The following CTNNA3 variants were observed in gnomAD, a reference collection of about 807,000 sequenced individuals.
CTNNA3 encodes catenin alpha 3, also known as catenin alpha-3.
In CTNNA3, 76 loss-of-function variants were observed where a neutral mutation model predicts 95.7. The observed-to-expected ratio is 0.79, with a 90% CI of 0.66 to 0.96. The LOEUF (loss-of-function observed/expected upper bound fraction) is 0.96, where lower values mean the gene tolerates loss of function less well. Ranked by LOEUF, CTNNA3 falls within the 40% of genes least tolerant of loss-of-function variation. CTNNA3 has a pLI of 0.00. For missense variants in CTNNA3, 1,191 were observed against 1,089.8 expected (o/e 1.09, Z -1.31); for synonymous variants, 431 against 374.4 (o/e 1.15, Z -1.74).
At chr10:65,921,506 T>C (rs751596482) in intron 17 of CTNNA3, among the ~76,000 whole-genome samples, 10 of 152,268 alleles carry the variant, frequency 6.6e-5, no homozygotes, top group Non-Finnish European at 1.2e-4. Flanking sequence ...TGCTTTCTAC[T>C]CGTAGGACAC....
chr10:66,718,472 C>A (rs1450284355), intron 9 of CTNNA3, among the ~76,000 whole-genome samples: 1 of 151,988 alleles, frequency 6.6e-6, no homozygotes, highest in Non-Finnish European at 1.5e-5. Context: ...GGCAAAAGAG[C>A]TATTTTACTC....
chr10:65,961,398 G>A (rs1203888168), intron 17 of CTNNA3, among the ~76,000 whole-genome samples: 9 of 152,092 alleles, frequency 5.9e-5, no homozygotes, highest in Admixed American at 1.3e-4. Context: ...AACCCAATGT[G>A]TACTTTTAAG....
intron 5 of CTNNA3, among the ~76,000 whole-genome samples, chr10:67,311,066 T>C (rs574862957): frequency 6.6e-6 from 1 of 152,276 alleles, no homozygotes; most frequent in East Asian, 1.9e-4. Flanking sequence ...TTTACAAAAT[T>C]ATAATTTATG....
chr10:67,435,453 A>G (rs537211317), intron 5 of CTNNA3, among the ~76,000 whole-genome samples: 16 of 152,194 alleles, frequency 1.1e-4, no homozygotes, highest in African/African-American at 3.4e-4. Flanking sequence ...TCTTCAACAT[A>G]GTACTGGAAG....
chr10:66,978,716 A>G (rs922910440), intron 7 of CTNNA3, among the ~76,000 whole-genome samples: 1 of 150,060 alleles, frequency 6.7e-6, no homozygotes, highest in Non-Finnish European at 1.5e-5. Context: ...CCAGTGAATA[A>G]ATACATTTAC....
At chr10:66,773,877 A>T (rs1840191751) in intron 8 of CTNNA3, among the ~76,000 whole-genome samples, 1 of 152,224 alleles carries the variant, frequency 6.6e-6, no homozygotes, top group Non-Finnish European at 1.5e-5. Context: ...ATTGCAATAT[A>T]AAATACAAGA....
chr10:66,589,993 T>C (rs1167950829), intron 10 of CTNNA3, among the ~76,000 whole-genome samples: 1 of 152,072 alleles, frequency 6.6e-6, no homozygotes, highest in African/African-American at 2.4e-5. Context: ...AAAGAAATAT[T>C]GAAAGGAGTA....
chr10:66,658,967 G>A (rs919480141), intron 9 of CTNNA3, among the ~76,000 whole-genome samples: 2 of 152,050 alleles, frequency 1.3e-5, no homozygotes, highest in Non-Finnish European at 2.9e-5. Flanking sequence ...GGGATTACAG[G>A]TGTGAGCCAC....
At chr10:66,532,668 T>C (rs1841511533) in intron 10 of CTNNA3, among the ~76,000 whole-genome samples, 1 of 152,074 alleles carries the variant, frequency 6.6e-6, no homozygotes, top group Non-Finnish European at 1.5e-5. Flanking sequence ...CAGGAGAAAC[T>C]CAGAAAATAT....
At chr10:67,474,876 T>C (rs897177342) in intron 5 of CTNNA3, among the ~76,000 whole-genome samples, 2 of 152,226 alleles carry the variant, frequency 1.3e-5, no homozygotes, top group Non-Finnish European at 2.9e-5. Context: ...CAATTTCTTA[T>C]AAAGTTAATT....
intron 11 of CTNNA3, among the ~76,000 whole-genome samples, chr10:66,520,102 A>G (rs1564508009): frequency 1.3e-5 from 2 of 152,046 alleles, no homozygotes; most frequent in Non-Finnish European, 2.9e-5. Flanking sequence ...ATTTAAAAAG[A>G]TTACAAGAGG....
rs148853808 is a variant in CTNNA3 at position 66,865,105 on chromosome 10, T to C, written c.1048-89581A>G. On this transcript the variant is annotated intron_variant, in intron 7 of 17. Transcript: ENST00000433211. ...AATCATTTAACCTCTTAAGACATCATTTTTCCATACTTATAAAATACAGAT... is the reference window on the plus strand; with the variant it reads ...AATCATTTAACCTCTTAAGACATCACTTTTCCATACTTATAAAATACAGAT... Among the ~76,000 whole-genome samples the C allele has an allele frequency of 5.3e-3, 808 of 152,178 alleles. 10 individuals carry two copies. The highest frequency in any genetic ancestry group is 0.019 in the African/African-American group (779 of 41,526).
intron 12 of CTNNA3, among the ~76,000 whole-genome samples, chr10:66,336,806 T>C (rs57126226): frequency 0.062 from 9,455 of 152,194 alleles, 437 homozygotes; most frequent in East Asian, 0.2. Flanking sequence ...ATAGCAATGC[T>C]TCTCAAAGAG....
At chr10:67,106,288 TTTTCA>T (rs773030300) in intron 7 of CTNNA3, among the ~76,000 whole-genome samples, 8 of 152,226 alleles carry the variant, frequency 5.3e-5, no homozygotes, top group Non-Finnish European at 7.3e-5. Flanking sequence ...TCTGATATAG[TTTTCA>T]GATAACTGCA....
intron 10 of CTNNA3, among the ~76,000 whole-genome samples, chr10:66,562,751 A>G (rs1842591284): frequency 6.6e-6 from 1 of 151,876 alleles, no homozygotes; most frequent in African/African-American, 2.4e-5. Flanking sequence ...AAAATAGTCT[A>G]ATAACTATAT....
At chr10:66,464,432 A>G (rs1838818517) in intron 11 of CTNNA3, among the ~76,000 whole-genome samples, 1 of 152,094 alleles carries the variant, frequency 6.6e-6, no homozygotes, top group Non-Finnish European at 1.5e-5. Flanking sequence ...GAGCAACTGT[A>G]TCTCAGGCAG....
chr10:66,131,035 T>G (rs1413346806), intron 13 of CTNNA3, among the ~76,000 whole-genome samples: 1 of 141,026 alleles, frequency 7.1e-6, no homozygotes, highest in African/African-American at 2.7e-5. Context: ...AATAATGAGC[T>G]CTATAATTGA....
chr10:66,148,415 A>C (rs2084010944), intron 13 of CTNNA3, among the ~76,000 whole-genome samples: 1 of 152,096 alleles, frequency 6.6e-6, no homozygotes, highest in East Asian at 1.9e-4. Flanking sequence ...GTTGAAATCT[A>C]ATCCCCATGG....
chr10:66,876,612 C>T (rs150682333), intron 7 of CTNNA3, among the ~76,000 whole-genome samples: 1 of 152,214 alleles, frequency 6.6e-6, no homozygotes, highest in East Asian at 1.9e-4. Flanking sequence ...AACTCACCTG[C>T]AGCCATGATT....
Sources: allele counts gnomAD v4.1 joint callset (sites outside exome capture counted in the v4.1 genomes callset), GRCh38; gene constraint gnomAD v4.1.1; transcripts MANE v1.5; gene names NCBI Gene and HGNC (gene_info 2026-07-23, HGNC 2026-07-21).